Variants in TIAL1 observed in about 807,000 individuals in gnomAD.
The protein encoded by TIAL1 is TIA1 cytotoxic granule associated RNA binding protein like 1, also known as nucleolysin TIAR.
In TIAL1, 7 loss-of-function variants were observed where a neutral mutation model predicts 59.7. The ratio of observed to expected loss-of-function variants is 0.12; its 90% confidence interval spans 0.07 to 0.22. The LOEUF is 0.22. TIAL1 is among the 10% of genes least tolerant of loss of function. The pLI, the probability that TIAL1 is intolerant of heterozygous loss-of-function variation, is 1.00. For synonymous variants in TIAL1, 149 were observed against 146.3 expected, an observed-to-expected ratio of 1.02 and a Z score of -0.13; for missense variants, 225 against 462.5, an observed-to-expected ratio of 0.49 and a Z score of 4.71.
In TIAL1 at chr10:119,596,507, G is replaced by T; in HGVS notation, c.-42C>A. ...CGATCCCGGGACAAGGGGGAGGGCA[G>T]GGTTGGGGAGGGGAGGGGGTGGGGA... is the stretch of plus-strand genomic sequence containing the variant. On this transcript the variant is annotated 5_prime_UTR_variant, in exon 1 of 12. In the 5' UTR this introduces an upstream ATG that the reference lacks. Transcript: ENST00000436547. The T allele has an allele frequency of 2.1e-6, 2 of 951,888 alleles. No individual in the cohort carries two copies. The highest frequency in any genetic ancestry group is 1.6e-6 in the Non-Finnish European group (1 of 616,402). 59.0% of individuals were successfully genotyped at this position (951,888 alleles called of 1,614,324 possible).
intron 1 of TIAL1, 94 bp from the exon 2 acceptor site, chr10:119,588,342 TC>T: frequency 1.1e-5 from 7 of 651,712 alleles, no homozygotes; most frequent in Non-Finnish European, 1.7e-5. Context: ...TTTCTTTCTT[TC>T]TTTCTTTCTT....
chr10:119,582,568 G>C lies in TIAL1; in HGVS notation c.130-11C>G, dbSNP rs1443110098. The stretch of plus-strand genomic sequence containing the variant: ...GTCATTGCTTGTATGCTGCAAAACA[G>C]AAAATCCAACAGAAGAGTTGACCCT... On this transcript the variant is annotated splice_polypyrimidine_tract_variant and intron_variant, in intron 2 of 11. Transcript: ENST00000436547. This position sits in a 1 kb window ranked among gnomAD's most constrained non-coding sequence, Gnocchi z 5.1. The C allele has an allele frequency of 1.2e-6, 2 of 1,609,534 alleles. No homozygotes were observed. The highest frequency in any genetic ancestry group is 2.2e-5 in the East Asian group (1 of 44,654).
intron 5 of TIAL1, 77 bp from the exon 6 acceptor site, chr10:119,580,087 T>C: frequency 2.6e-6 from 3 of 1,166,342 alleles, no homozygotes; most frequent in Non-Finnish European, 3.7e-6. Context: ...CCACACACAC[T>C]GTATTGTGAG....
At chr10:119,594,814 G>T (rs528428894) in intron 1 of TIAL1, among the ~76,000 whole-genome samples, 1 of 152,008 alleles carries the variant, frequency 6.6e-6, no homozygotes, top group Non-Finnish European at 1.5e-5. Context: ...TTGTAGAGAC[G>T]GAGTTTCACC....
chr10:119,596,187 AAAG>A (rs1475482336), intron 1 of TIAL1, among the ~76,000 whole-genome samples: 1 of 152,168 alleles, frequency 6.6e-6, no homozygotes, highest in Non-Finnish European at 1.5e-5. Context: ...GAGGGCATGC[AAAG>A]AAGGACGCCA....
At chr10:119,580,473 G>A in intron 5 of TIAL1, 1 of 1,033,994 alleles carries the variant, frequency 9.7e-7, no homozygotes, top group African/African-American at 1.7e-5. Context: ...AGGCATACAT[G>A]GCCTGTTAAC....
chr10:119,583,192 G>A (rs1845380747), intron 2 of TIAL1, among the ~76,000 whole-genome samples: 1 of 152,142 alleles, frequency 6.6e-6, no homozygotes, highest in African/African-American at 2.4e-5. Flanking sequence ...CTAATGTACT[G>A]AAGATTCTAT....
chr10:119,583,088 T>G (rs1341020335), intron 2 of TIAL1, among the ~76,000 whole-genome samples: 2 of 152,174 alleles, frequency 1.3e-5, no homozygotes, highest in Non-Finnish European at 2.9e-5. Flanking sequence ...TTTATTGATT[T>G]CTTTTCTGGA....
intron 2 of TIAL1, among the ~76,000 whole-genome samples, chr10:119,583,694 A>G (rs1235616390): frequency 6.6e-6 from 1 of 152,188 alleles, no homozygotes; most frequent in Non-Finnish European, 1.5e-5. Context: ...TAGAAGAAAA[A>G]TCCAAAATAA....
At position 119,577,465 on chromosome 10, in the gene TIAL1, G is replaced by T. The variant is rs145340933; in HGVS notation, c.723C>A (p.Gly241=). ...IMEIRVFPEK[G]YSFVRFSTHE... ...TAGAGTGTTACCTGACAAATGAATA[G>T]CCCTTTTCTGGGAAAACTCTTATTT... The change falls in exon 9 of 12, where the codon GGC becomes GGA. Residue 241 remains glycine, a synonymous_variant. Transcript: ENST00000436547. 1 of 1,612,948 alleles carries T rather than the reference G, an allele frequency of 6.2e-7. No homozygotes were observed. The highest frequency in any genetic ancestry group is 2.2e-5 in the East Asian group (1 of 44,828).
intron 7 of TIAL1, among the ~76,000 whole-genome samples, chr10:119,578,051 C>T (rs1845100003): frequency 6.6e-6 from 1 of 151,956 alleles, no homozygotes; most frequent in South Asian, 2.1e-4. Flanking sequence ...ACGGTGAAAC[C>T]CTGTCTCTAC....
At chr10:119,580,914 G>A (rs1338906654) in intron 5 of TIAL1, 1 of 922,040 alleles carries the variant, frequency 1.1e-6, no homozygotes, top group South Asian at 1.9e-5. Context: ...GCAGGTCTCA[G>A]GTATAAATAA....
intron 1 of TIAL1, among the ~76,000 whole-genome samples, chr10:119,589,908 C>A (rs188421012): frequency 2.0e-5 from 3 of 152,152 alleles, no homozygotes; most frequent in African/African-American, 7.2e-5. Flanking sequence ...AAGTAGATTT[C>A]TTTTTCTACT....
chr10:119,596,509 G>T lies in TIAL1; in HGVS notation c.-44C>A. Reference sequence around the variant, plus strand: ...ATCCCGGGACAAGGGGGAGGGCAGGGTTGGGGAGGGGAGGGGGTGGGGAGG... The same window carrying T: ...ATCCCGGGACAAGGGGGAGGGCAGGTTTGGGGAGGGGAGGGGGTGGGGAGG... On this transcript the variant is annotated 5_prime_UTR_variant, in exon 1 of 12. Transcript: ENST00000436547. The T allele has an allele frequency of 1.2e-5, 11 of 881,792 alleles. No homozygotes were observed. Among genetic ancestry groups the T allele is most frequent in the Non-Finnish European group, 1.8e-5 (10 of 566,924 alleles). 54.6% of individuals were successfully genotyped at this position (881,792 alleles called of 1,614,324 possible).
In TIAL1 at chr10:119,588,133, G is replaced by C; in HGVS notation, c.129+19C>G. The C allele has an allele frequency of 7.0e-7, 1 of 1,431,382 alleles. No individual in the cohort carries two copies. Among genetic ancestry groups the C allele is most frequent in the South Asian group, 1.5e-5 (1 of 68,532 alleles). 88.7% of individuals were successfully genotyped at this position (1,431,382 alleles called of 1,614,324 possible). On this transcript the variant is annotated intron_variant, in intron 2 of 11. Coordinates refer to ENST00000436547, the MANE Select transcript of TIAL1 (RefSeq NM_003252.4). ...CCCATCATGCTAATTGTCAGCACAT[G>C]GAACTGGGAAGATCTTACCTCTGTT...
intron 1 of TIAL1, among the ~76,000 whole-genome samples, chr10:119,593,008 T>C (rs191262698): frequency 6.6e-6 from 1 of 152,336 alleles, no homozygotes; most frequent in Admixed American, 6.5e-5. Flanking sequence ...AAGGAAGGGA[T>C]TGTGTAACAT....
chr10:119,587,301 C>T (rs763211529), intron 2 of TIAL1, among the ~76,000 whole-genome samples: 1 of 152,172 alleles, frequency 6.6e-6, no homozygotes, highest in African/African-American at 2.4e-5. Flanking sequence ...TCCCTACCAA[C>T]CTGGATCAAA....
intron 1 of TIAL1, 95 bp from the exon 2 acceptor site, chr10:119,588,343 C>CTTTT (rs1027396834): frequency 1.4e-5 from 9 of 648,586 alleles, no homozygotes; most frequent in Non-Finnish European, 1.9e-5. Flanking sequence ...TTCTTTCTTT[C>CTTTT]TTTCTTTCTT....
intron 2 of TIAL1, 36 bp downstream of exon 2, chr10:119,588,116 G>T: frequency 7.9e-7 from 1 of 1,265,920 alleles, no homozygotes; most frequent in Non-Finnish European, 1.1e-6. Context: ...AACCCATCAT[G>T]CTAATTGTCA....
Sources: allele counts gnomAD v4.1 joint callset (sites outside exome capture counted in the v4.1 genomes callset), GRCh38; gene constraint gnomAD v4.1.1; non-coding constraint Gnocchi (gnomAD v3.1); transcripts MANE v1.5; gene names NCBI Gene and HGNC (gene_info 2026-07-23, HGNC 2026-07-21).